Variants in GLE1 observed in about 807,000 individuals in gnomAD.
The protein encoded by GLE1 is mRNA export factor GLE1.
A neutral mutation model predicts 97.3 loss-of-function variants in GLE1; 78 were observed. The ratio of observed to expected loss-of-function variants is 0.80; its 90% CI spans 0.67 to 0.97. The LOEUF (loss-of-function observed/expected upper bound fraction) is 0.97. Ranked by LOEUF, GLE1 falls within the 50% of genes least tolerant of loss-of-function variation. GLE1 has a pLI of 0.00. For synonymous variants in GLE1, 302 were observed against 313.4 expected (o/e 0.96, Z 0.39); for missense variants, 753 against 857.5 (o/e 0.88, Z 1.52).
intron 3 of GLE1, among the ~76,000 whole-genome samples, chr9:128,520,766 T>C (rs1847130743): frequency 6.6e-6 from 1 of 151,964 alleles, no homozygotes; most frequent in Non-Finnish European, 1.5e-5. Flanking sequence ...TATTTTTTTT[T>C]TTTTAAAGAC....
intron 9 of GLE1, among the ~76,000 whole-genome samples, chr9:128,529,545 TC>T (rs1456277111): frequency 6.6e-6 from 1 of 152,148 alleles, no homozygotes; most frequent in Admixed American, 6.5e-5. Flanking sequence ...TCTCCCTTGA[TC>T]CTATGTCTTC....
At chr9:128,519,959 C>T (rs1847092357) in intron 3 of GLE1, among the ~76,000 whole-genome samples, 2 of 152,112 alleles carry the variant, frequency 1.3e-5, no homozygotes, top group African/African-American at 4.8e-5. Flanking sequence ...ACTATTGGGG[C>T]AGGTTCCCCA....
intron 2 of GLE1, among the ~76,000 whole-genome samples, chr9:128,510,598 G>A (rs1026136284): frequency 2.0e-5 from 3 of 148,178 alleles, no homozygotes; most frequent in African/African-American, 5.0e-5. Context: ...GCATGGTCTC[G>A]GCTTACTGCA....
At chr9:128,523,495 A>G in intron 5 of GLE1, 97 bp from the exon 6 acceptor site, 2 of 1,496,548 alleles carry the variant, frequency 1.3e-6, no homozygotes, top group Non-Finnish European at 1.9e-6. Flanking sequence ...CTCTGAGCCC[A>G]TCTGTGAAAA....
At chr9:128,515,151 C>G (rs1361976663) in intron 2 of GLE1, among the ~76,000 whole-genome samples, 3 of 152,102 alleles carry the variant, frequency 2.0e-5, no homozygotes, top group Non-Finnish European at 4.4e-5. Flanking sequence ...CCAGCTTTCT[C>G]CTGAAGCCAG....
At chr9:128,517,518 G>T (rs1378724846) in intron 3 of GLE1, among the ~76,000 whole-genome samples, 5 of 152,174 alleles carry the variant, frequency 3.3e-5, no homozygotes, top group Non-Finnish European at 5.9e-5. Context: ...GAAAGATGGT[G>T]GTTGCTTAGA....
At chr9:128,532,539 G>A (rs1847552377) in intron 9 of GLE1, 1 of 158,820 alleles carries the variant, frequency 6.3e-6, no homozygotes, top group Non-Finnish European at 1.3e-5. Context: ...TTATTGGAAA[G>A]ATAAAGAAAT....
At chr9:128,509,977 G>A (rs557797711) in intron 2 of GLE1, among the ~76,000 whole-genome samples, 5 of 152,148 alleles carry the variant, frequency 3.3e-5, no homozygotes, top group African/African-American at 1.2e-4. Context: ...GTTAAATTTT[G>A]GAAGTTTTTT....
intron 1 of GLE1, among the ~76,000 whole-genome samples, chr9:128,506,136 A>G (rs979914009): frequency 5.9e-5 from 9 of 152,190 alleles, no homozygotes; most frequent in Non-Finnish European, 8.8e-5. Flanking sequence ...ACTTGAGGTC[A>G]AGAGTTCGCG....
chr9:128,521,169 C>T (rs1284175268), intron 3 of GLE1, among the ~76,000 whole-genome samples: 4 of 152,118 alleles, frequency 2.6e-5, no homozygotes, highest in African/African-American at 9.7e-5. Context: ...CCAATTCTCA[C>T]TTTAACAGAG....
chr9:128,510,678 G>A (rs372385037), intron 2 of GLE1, among the ~76,000 whole-genome samples: 10 of 151,092 alleles, frequency 6.6e-5, no homozygotes, highest in South Asian at 4.2e-4. Context: ...ACAGGTGTGC[G>A]CCACCATGCC....
intron 9 of GLE1, among the ~76,000 whole-genome samples, chr9:128,530,648 G>A (rs910497250): frequency 2.0e-5 from 3 of 151,178 alleles, no homozygotes; most frequent in Admixed American, 6.6e-5. Flanking sequence ...GGTGGTTCAC[G>A]CCTGTAATCC....
chr9:128,510,194 A>T (rs1589042245), intron 2 of GLE1, among the ~76,000 whole-genome samples: 2 of 149,628 alleles, frequency 1.3e-5, no homozygotes. Flanking sequence ...AATAGCTGGG[A>T]CTGCGTGTGG....
At chr9:128,540,986 GT>G in intron 15 of GLE1, 115 bp from the exon 16 acceptor site, 1 of 753,688 alleles carries the variant, frequency 1.3e-6, no homozygotes, top group Admixed American at 1.9e-5. Context: ...TTTCCTTTTT[GT>G]TCACTGTTCC....
intron 3 of GLE1, among the ~76,000 whole-genome samples, chr9:128,521,697 C>T (rs539702606): frequency 6.6e-6 from 1 of 152,308 alleles, no homozygotes; most frequent in Non-Finnish European, 1.5e-5. Flanking sequence ...TACGTGTCGT[C>T]ATTCCCCAGT....
At chr9:128,519,480 G>A (rs989632906) in intron 3 of GLE1, among the ~76,000 whole-genome samples, 1 of 152,168 alleles carries the variant, frequency 6.6e-6, no homozygotes, top group Admixed American at 6.5e-5. Context: ...CTGTAGGGGT[G>A]ACATAGACCC....
At chr9:128,527,152 T>C (rs1244907243) in intron 7 of GLE1, 27 bp from the exon 8 acceptor site, 1 of 1,197,630 alleles carries the variant, frequency 8.3e-7, no homozygotes, top group African/African-American at 1.5e-5. Context: ...TACTAGCTAT[T>C]ACTAAAACCT....
At chr9:128,525,714 C>G (rs1366063980) in intron 7 of GLE1, among the ~76,000 whole-genome samples, 2 of 152,048 alleles carry the variant, frequency 1.3e-5, no homozygotes, top group Non-Finnish European at 2.9e-5. Context: ...TATAAGGGGT[C>G]AGGAGTTCGA....
At chr9:128,537,453 C>CAAAAAAAAAAAAAAAAAAAAA (rs57584433) in intron 12 of GLE1, among the ~76,000 whole-genome samples, 1 of 43,946 alleles carries the variant, frequency 2.3e-5, no homozygotes, top group Non-Finnish European at 4.3e-5. Context: ...AACTCTCCCT[C>CAAAAAAAAAAAAAAAAAAAAA]AAAAAAAAAA....
Sources: allele counts gnomAD v4.1 joint callset (sites outside exome capture counted in the v4.1 genomes callset), GRCh38; gene constraint gnomAD v4.1.1; transcripts MANE v1.5; gene names NCBI Gene and HGNC (gene_info 2026-07-23, HGNC 2026-07-21).